Variants in KCNT1 observed in about 807,000 individuals in gnomAD.
The protein encoded by KCNT1 is potassium channel subfamily T member 1.
A neutral mutation model predicts 147.8 loss-of-function variants in KCNT1; 78 were observed. That is an observed-to-expected ratio of 0.53 (90% CI 0.44 to 0.64). The LOEUF is 0.64. KCNT1 is among the 30% of genes least tolerant of loss of function. The pLI is 0.00. For missense variants in KCNT1, 1,419 were observed against 1,750.3 expected, an observed-to-expected ratio of 0.81 and a Z score of 3.38; for synonymous variants, 867 against 748.8, an observed-to-expected ratio of 1.16 and a Z score of -2.58.
intron 11 of KCNT1, among the ~76,000 whole-genome samples, chr9:135,760,380 T>C (rs1399893328): frequency 1.3e-5 from 2 of 152,158 alleles, no homozygotes; most frequent in Non-Finnish European, 2.9e-5. Context: ...TGTGAAGTGC[T>C]TGGGCCTGGA....
rs756062584 is a variant in KCNT1 at position 135,768,903 on chromosome 9, C to T, written c.1476C>T (p.Leu492=). The change falls in exon 15 of 31, where the codon CTC becomes CTT. Residue 492 remains leucine, a synonymous_variant. Coordinates refer to ENST00000371757, the MANE Select transcript of KCNT1 (RefSeq NM_020822.3). ...APNCPLYVQI[L]KPENKFHVKF... ...ACTGCCCCCTCTACGTCCAGATCCT[C>T]AAACCTGAAAACAAGTTTCACGTCA... The T allele has an allele frequency of 1.4e-5, 23 of 1,613,454 alleles. No homozygotes were observed. Among genetic ancestry groups the T allele is most frequent in the Non-Finnish European group, 1.9e-5 (23 of 1,179,912 alleles).
intron 2 of KCNT1, among the ~76,000 whole-genome samples, chr9:135,729,825 C>T (rs1478105918): frequency 6.6e-6 from 1 of 152,186 alleles, no homozygotes; most frequent in Non-Finnish European, 1.5e-5. Context: ...GGCCTCAGGT[C>T]CTGGTTGCCC....
At chr9:135,782,212 C>G (rs578064925) in intron 24 of KCNT1, among the ~76,000 whole-genome samples, 1 of 151,996 alleles carries the variant, frequency 6.6e-6, no homozygotes, top group Non-Finnish European at 1.5e-5. Flanking sequence ...TCAAAAAAAA[C>G]CAAGCAAAAA....
At chr9:135,768,346 G>GCGGT (rs55934867) in intron 13 of KCNT1, 1 of 116,090 alleles carries the variant, frequency 8.6e-6, no homozygotes, top group Non-Finnish European at 1.5e-5. Flanking sequence ...ATGTGGGTTG[G>GCGGT]GGGGGGGGGG....
At chr9:135,755,769 C>T (rs1469014037) in intron 6 of KCNT1, among the ~76,000 whole-genome samples, 1 of 150,610 alleles carries the variant, frequency 6.6e-6, no homozygotes, top group Admixed American at 6.6e-5. Context: ...TCAGTGAGCA[C>T]TTAGGACAGA....
intron 2 of KCNT1, among the ~76,000 whole-genome samples, chr9:135,748,426 T>C (rs575243627): frequency 1.3e-5 from 2 of 152,306 alleles, no homozygotes; most frequent in South Asian, 4.1e-4. Context: ...TTAATCACTT[T>C]CGGAGATGTT....
intron 24 of KCNT1, among the ~76,000 whole-genome samples, chr9:135,783,749 G>A (rs922975226): frequency 6.6e-6 from 1 of 152,240 alleles, no homozygotes; most frequent in African/African-American, 2.4e-5. Flanking sequence ...CATGGCAGCC[G>A]CCGGGAGTCC....
In KCNT1 at chr9:135,731,960, G is replaced by GTGTATATATATATA. The variant is rs1471079492; in HGVS notation, c.254+17241_254+17242insGTATATATATATAT. ...ATCTAAATACTTTTCAAATATGCGT[G>GTGTATATATATATA]TATATATATATATATATATATATAT... On this transcript the variant is annotated intron_variant, in intron 2 of 30. Coordinates refer to ENST00000371757, the MANE Select transcript of KCNT1 (RefSeq NM_020822.3). 5.1e-4 allele frequency among the ~76,000 whole-genome samples: 21 copies of GTGTATATATATATA among 41,426 alleles called. 1 individual carries two copies. The highest frequency in any genetic ancestry group is 1.7e-3 in the Admixed American group (5 of 2,860). The allele number at this position is 41,426 out of a possible 152,430, so 27.2% of individuals were successfully genotyped here.
chr9:135,770,075 G>A lies in KCNT1; in HGVS notation c.1619+20G>A, dbSNP rs1015861588. 2 of 1,540,050 alleles carry A rather than the reference G, an allele frequency of 1.3e-6. No individual in the cohort carries two copies. Among genetic ancestry groups the A allele is most frequent in the Non-Finnish European group, 1.8e-6 (2 of 1,139,874 alleles). On this transcript the variant is annotated intron_variant, in intron 16 of 30. Transcript: ENST00000371757. ...CGGCCAGTGAGTGCCCCGTGCCCCG[G>A]GGGACCGACCTCCATGGCGGGGCCG...
At chr9:135,741,075 C>A (rs1302630375) in intron 2 of KCNT1, among the ~76,000 whole-genome samples, 1 of 152,230 alleles carries the variant, frequency 6.6e-6, no homozygotes, top group Non-Finnish European at 1.5e-5. Flanking sequence ...TGGGTGGATC[C>A]TCTACCCATG....
intron 10 of KCNT1, among the ~76,000 whole-genome samples, 185 bp downstream of exon 10, chr9:135,758,693 C>G (rs375037871): frequency 6.6e-6 from 1 of 152,236 alleles, no homozygotes; most frequent in Admixed American, 6.5e-5. Context: ...TCCAAGCCCA[C>G]GTCCCCAGTA....
intron 1 of KCNT1, among the ~76,000 whole-genome samples, chr9:135,712,579 C>T (rs1455727349): frequency 6.6e-6 from 1 of 152,064 alleles, no homozygotes; most frequent in Admixed American, 6.5e-5. Flanking sequence ...AAAAGCTGGC[C>T]GATGTAGGCC....
intron 24 of KCNT1, 77 bp downstream of exon 24, chr9:135,779,547 G>A: frequency 9.0e-7 from 1 of 1,107,728 alleles, no homozygotes; most frequent in Non-Finnish European, 1.4e-6. Context: ...AGGGGAAAGG[G>A]GGCCAGTGCC....
chr9:135,762,790 G>A (rs537350093), intron 11 of KCNT1, among the ~76,000 whole-genome samples: 1 of 152,172 alleles, frequency 6.6e-6, no homozygotes, highest in East Asian at 1.9e-4. Context: ...GACTCCAGGT[G>A]CACCAGGTCC....
In KCNT1 at chr9:135,732,024, A is replaced by AGAGAGAGAGAGG. The variant is rs1554766184; in HGVS notation, c.254+17315_254+17316insGGAGAGAGAGAG. ...GAGAGAGAGAGAGAGAGAGAGAGAG[A>AGAGAGAGAGAGG]GAGAGAGAGAGAGAGAGGGAGTCTC... is the stretch of plus-strand genomic sequence containing the variant. On this transcript the variant is annotated intron_variant, in intron 2 of 30. Coordinates refer to ENST00000371757, the MANE Select transcript of KCNT1 (RefSeq NM_020822.3). Among the ~76,000 whole-genome samples, 526 of 64,948 alleles carry AGAGAGAGAGAGG rather than the reference A, an allele frequency of 8.1e-3. 30 individuals carry two copies. Among genetic ancestry groups the AGAGAGAGAGAGG allele is most frequent in the East Asian group, 0.013 (21 of 1,630 alleles). The allele number at this position is 64,948 out of a possible 152,430, so 42.6% of individuals were successfully genotyped here. A position where few individuals can be genotyped will look rare whatever the true frequency, so the allele number is the denominator to read the frequency against.
chr9:135,726,983 CT>C (rs1836196111), intron 2 of KCNT1, among the ~76,000 whole-genome samples: 1 of 92,036 alleles, frequency 1.1e-5, no homozygotes, highest in Non-Finnish European at 2.2e-5. Flanking sequence ...TTCCCATTCT[CT>C]CTCTCCCTCT....
chr9:135,741,731 AC>A (rs1198418940), intron 2 of KCNT1, among the ~76,000 whole-genome samples: 1 of 152,202 alleles, frequency 6.6e-6, no homozygotes, highest in Non-Finnish European at 1.5e-5. Context: ...TGTGCCTGTG[AC>A]CCCAGGCTGG....
intron 11 of KCNT1, among the ~76,000 whole-genome samples, chr9:135,764,434 T>C (rs1217555406): frequency 6.6e-6 from 1 of 152,194 alleles, no homozygotes; most frequent in African/African-American, 2.4e-5. Context: ...CACTCCAGCC[T>C]GGGTGACAGA....
At chr9:135,783,293 G>T (rs1833752330) in intron 24 of KCNT1, among the ~76,000 whole-genome samples, 1 of 152,240 alleles carries the variant, frequency 6.6e-6, no homozygotes, top group South Asian at 2.1e-4. Flanking sequence ...TCCCCATCCG[G>T]TGGGAAGAAG....
Sources: gnomAD v4.1 joint callset for allele counts (sites outside exome capture counted in the v4.1 genomes callset) on GRCh38, gnomAD v4.1.1 for gene constraint, MANE v1.5 for transcripts, NCBI Gene and HGNC (gene_info 2026-07-23, HGNC 2026-07-21) for gene names.